The following FGF1 variants were observed in gnomAD, a reference collection of about 807,000 sequenced individuals.
The protein encoded by FGF1 is beta-endothelial cell growth factor.
FGF1 carries 9 observed loss-of-function variants against 13.4 expected under a neutral mutation model. That is an observed-to-expected ratio of 0.67 (90% CI 0.40 to 1.17). The LOEUF (loss-of-function observed/expected upper bound fraction) is 1.17. Among genes scored for constraint, FGF1 ranks in the 50% most tolerant of loss-of-function variants. The pLI is 0.01. For missense variants in FGF1, 156 were observed against 192.7 expected (o/e 0.81, Z 1.13); for synonymous variants, 93 against 79.0 (o/e 1.18, Z -0.94).
intron 1 of FGF1, among the ~76,000 whole-genome samples, chr5:142,666,096 T>C (rs1425144334): frequency 2.5e-5 from 3 of 120,442 alleles, no homozygotes; most frequent in Middle Eastern, 6.9e-3. Flanking sequence ...TAACACAAGC[T>C]ACTCTAGTAT....
intron 2 of FGF1, among the ~76,000 whole-genome samples, chr5:142,602,135 G>T (rs570952239): frequency 2.6e-5 from 4 of 152,046 alleles, no homozygotes; most frequent in Non-Finnish European, 5.9e-5. Flanking sequence ...GCTTTGGTTG[G>T]TAGATCTCGA....
At chr5:142,652,338 G>C (rs1767407868) in intron 1 of FGF1, among the ~76,000 whole-genome samples, 1 of 152,212 alleles carries the variant, frequency 6.6e-6, no homozygotes, top group East Asian at 1.9e-4. Context: ...TGAGGATGAA[G>C]AAACACAAGA....
intron 1 of FGF1, among the ~76,000 whole-genome samples, chr5:142,638,437 A>G (rs1030498725): frequency 5.9e-5 from 9 of 152,034 alleles, no homozygotes; most frequent in East Asian, 1.9e-4. Context: ...CAGAACCCCT[A>G]TCTTGCTCAG....
At chr5:142,607,323 G>A (rs250104) in intron 2 of FGF1, among the ~76,000 whole-genome samples, 35,877 of 152,076 alleles carry the variant, frequency 0.24, 4,775 homozygotes, top group East Asian at 0.31. Context: ...GAGCAAATGA[G>A]GAGCAAGCAC....
At chr5:142,610,604 C>G (rs2151860699) in intron 2 of FGF1, among the ~76,000 whole-genome samples, 1 of 152,260 alleles carries the variant, frequency 6.6e-6, no homozygotes, top group South Asian at 2.1e-4. Flanking sequence ...CAAACTGTGC[C>G]CATCAGCCCT....
chr5:142,651,035 CA>C (rs1767138382), intron 1 of FGF1, among the ~76,000 whole-genome samples: 1 of 152,266 alleles, frequency 6.6e-6, no homozygotes, highest in Non-Finnish European at 1.5e-5. Flanking sequence ...GGTGCAAACG[CA>C]GCTTCAATGT....
Position 142,600,746 on chromosome 5 carries a change from C to T in FGF1, c.229G>A (p.Gly77Ser), listed in dbSNP as rs375407078. Residue 77 changes from glycine (G) to serine (S), a missense_variant, in exon 3 of 4, where the codon GGC becomes AGC. By Grantham distance (56) the Gly-to-Ser change is moderately conservative (BLOSUM62 0). Transcript: ENST00000337706. ...TCGGTGTCCATGGCCAAGTACTGGC[C>T]AGTCTCGGTACTCTTTATATACACC... is the stretch of plus-strand genomic sequence containing the variant. The part of the protein sequence containing the change: ...GEVYIKSTET[G>S]QYLAMDTDGL... The T allele has an allele frequency of 2.5e-6, 4 of 1,613,908 alleles. No individual in the cohort carries two copies. In the African/African-American group the frequency reaches 4.0e-5, roughly 16 times the overall value.
chr5:142,619,108 G>C (rs896317857), intron 1 of FGF1, among the ~76,000 whole-genome samples: 8 of 151,706 alleles, frequency 5.3e-5, no homozygotes, highest in African/African-American at 1.9e-4. Flanking sequence ...CTAATTTTTT[G>C]TATTTTTAGT....
chr5:142,601,113 TC>T, intron 2 of FGF1: 1 of 543,426 alleles, frequency 1.8e-6, no homozygotes, highest in Non-Finnish European at 3.6e-6. Flanking sequence ...CTCCTTTCTT[TC>T]TGTCACTTGT....
At chr5:142,605,649 C>T (rs548788801) in intron 2 of FGF1, among the ~76,000 whole-genome samples, 41 of 152,210 alleles carry the variant, frequency 2.7e-4, no homozygotes, top group Non-Finnish European at 4.9e-4. Flanking sequence ...TTTGTTGTGC[C>T]GGTGAGAGTT....
chr5:142,645,293 C>T (rs1309076589), intron 1 of FGF1, among the ~76,000 whole-genome samples: 1 of 152,208 alleles, frequency 6.6e-6, no homozygotes, highest in East Asian at 1.9e-4. Flanking sequence ...CATAGCAGGG[C>T]TTTTGAGCTA....
chr5:142,610,049 G>A (rs1758721833), intron 2 of FGF1, among the ~76,000 whole-genome samples: 2 of 152,218 alleles, frequency 1.3e-5, no homozygotes, highest in African/African-American at 4.8e-5. Flanking sequence ...GGAAGCAGAA[G>A]ATGTGGTTGG....
At chr5:142,673,969 C>CTCTGTGGTTTCCT (rs1771989073) in intron 1 of FGF1, among the ~76,000 whole-genome samples, 1 of 152,184 alleles carries the variant, frequency 6.6e-6, no homozygotes, top group Non-Finnish European at 1.5e-5. Flanking sequence ...CCTCCAGAAC[C>CTCTGTGGTTTCCT]CTGGCCTCTG....
At chr5:142,651,884 T>G (rs1415629653) in intron 1 of FGF1, among the ~76,000 whole-genome samples, 1 of 152,020 alleles carries the variant, frequency 6.6e-6, no homozygotes, top group Non-Finnish European at 1.5e-5. Flanking sequence ...CTTAACCTCT[T>G]TCCAGCCTCA....
At chr5:142,662,887 A>AGTCT (rs1769532672) in intron 1 of FGF1, among the ~76,000 whole-genome samples, 1 of 152,132 alleles carries the variant, frequency 6.6e-6, no homozygotes, top group African/African-American at 2.4e-5. Flanking sequence ...GCAGTGGCAC[A>AGTCT]ATCTCAGCTC....
chr5:142,661,931 G>C (rs1294134058), intron 1 of FGF1, among the ~76,000 whole-genome samples: 2 of 151,754 alleles, frequency 1.3e-5, no homozygotes, highest in East Asian at 1.9e-4. Flanking sequence ...TGAACCTAGG[G>C]GGTGGAGGTT....
chr5:142,619,953 C>T (rs1192919760), intron 1 of FGF1, among the ~76,000 whole-genome samples: 1 of 149,908 alleles, frequency 6.7e-6, no homozygotes, highest in Non-Finnish European at 1.5e-5. Flanking sequence ...AAAATAAATC[C>T]AAATATATGT....
intron 1 of FGF1, among the ~76,000 whole-genome samples, chr5:142,681,337 T>C (rs946882507): frequency 2.0e-5 from 3 of 152,198 alleles, no homozygotes; most frequent in African/African-American, 7.2e-5. Flanking sequence ...GGCTTGAGGA[T>C]TGTAAGGCCC....
chr5:142,626,121 T>A (rs193018497), intron 1 of FGF1, among the ~76,000 whole-genome samples: 1 of 152,230 alleles, frequency 6.6e-6, no homozygotes, highest in Admixed American at 6.5e-5. Context: ...GCACATTACA[T>A]TAATTAATCC....
Sources: allele counts gnomAD v4.1 joint callset (sites outside exome capture counted in the v4.1 genomes callset), GRCh38; gene constraint gnomAD v4.1.1; transcripts MANE v1.5; gene names NCBI Gene and HGNC (gene_info 2026-07-23, HGNC 2026-07-21).